Variants in COPG1 observed in about 807,000 individuals in gnomAD.
The protein encoded by COPG1 is coat protein complex I subunit gamma 1, also known as coatomer subunit gamma-1.
Under a neutral mutation model 102.8 loss-of-function variants are expected in COPG1, and 29 were observed. That is an observed-to-expected ratio of 0.28 (90% CI 0.21 to 0.38). The LOEUF (loss-of-function observed/expected upper bound fraction) is 0.38, where lower values mean the gene tolerates loss of function less well. Ranked by LOEUF, COPG1 falls within the 10% of genes least tolerant of loss-of-function variation. The pLI, the probability that COPG1 is intolerant of heterozygous loss-of-function variation, is 1.00. For synonymous variants in COPG1, 406 were observed against 421.6 expected, an observed-to-expected ratio of 0.96 and a Z score of 0.45; for missense variants, 875 against 1,132.7, an observed-to-expected ratio of 0.77 and a Z score of 3.27.
At chr3:129,270,988 G>A (rs1047461184) in intron 18 of COPG1, among the ~76,000 whole-genome samples, 3 of 152,150 alleles carry the variant, frequency 2.0e-5, no homozygotes, top group Admixed American at 6.6e-5. Context: ...AAGCTCTGCC[G>A]CCAACCCCTA....
At position 129,249,766 on chromosome 3, in the gene COPG1, G is replaced by C. The variant is rs1194703555; in HGVS notation, c.37+20G>C. ...AGTCAGGTGAGGGGGCCAGGCCTGG[G>C]TCTGAGGGAGGCCGGACCCCCACCC... On this transcript the variant is annotated intron_variant, in intron 1 of 23. Transcript: ENST00000314797. 1 of 1,549,604 alleles carries C rather than the reference G, an allele frequency of 6.5e-7. No individual in the cohort carries two copies. The highest frequency in any genetic ancestry group is 2.0e-5 in the Admixed American group (1 of 50,840).
intron 21 of COPG1, chr3:129,274,209 G>A (rs1287679219): frequency 1.2e-5 from 5 of 431,924 alleles, no homozygotes; most frequent in Non-Finnish European, 2.3e-5. Flanking sequence ...GAGAGAGAGA[G>A]CTGGGTCTAA....
Position 129,249,636 on chromosome 3 carries a change from C to G in COPG1, c.-74C>G. 2 of 1,523,138 alleles carry G rather than the reference C, an allele frequency of 1.3e-6. No individual in the cohort carries two copies. Among genetic ancestry groups the G allele is most frequent in the African/African-American group, 1.4e-5 (1 of 72,610 alleles). 94.4% of individuals were successfully genotyped at this position (1,523,138 alleles called of 1,614,324 possible). ...GGGCCCGGAAGTGGTCCCTGTAGAA[C>G]CACTGTGGCACCGCTACTCCGTGCC... On this transcript the variant is annotated 5_prime_UTR_variant, in exon 1 of 24. Coordinates refer to ENST00000314797, the MANE Select transcript of COPG1 (RefSeq NM_016128.4).
chr3:129,262,182 G>C (rs1939938735), intron 12 of COPG1, among the ~76,000 whole-genome samples: 1 of 151,954 alleles, frequency 6.6e-6, no homozygotes, highest in Non-Finnish European at 1.5e-5. Context: ...GGGAGGCCAA[G>C]GAGGGAGGAT....
At chr3:129,272,060 T>G in intron 19 of COPG1, 151 bp downstream of exon 19, 1 of 1,047,662 alleles carries the variant, frequency 9.5e-7, no homozygotes, top group Non-Finnish European at 1.4e-6. Context: ...CGGTCTCTCA[T>G]ATCTCTTGAC....
At chr3:129,263,571 G>A (rs969462176) in intron 12 of COPG1, among the ~76,000 whole-genome samples, 2 of 152,186 alleles carry the variant, frequency 1.3e-5, no homozygotes, top group African/African-American at 4.8e-5. Flanking sequence ...ATGATGGGTG[G>A]GAACCATCAG....
intron 21 of COPG1, chr3:129,274,175 C>T: frequency 2.3e-6 from 1 of 433,364 alleles, no homozygotes; most frequent in South Asian, 1.7e-5. Flanking sequence ...TTGAGCCCAT[C>T]CAGAGATGAA....
rs1279013934 is a variant in COPG1 at position 129,275,641 on chromosome 3, A to G, written c.2494+349A>G. Among the ~76,000 whole-genome samples the G allele has an allele frequency of 6.6e-6, 1 of 152,100 alleles. No individual in the cohort carries two copies. The highest frequency in any genetic ancestry group is 1.9e-4 in the East Asian group (1 of 5,202). On this transcript the variant is annotated intron_variant, in intron 23 of 23. Coordinates refer to ENST00000314797, the MANE Select transcript of COPG1 (RefSeq NM_016128.4). The surrounding 1 kb of genome is among the most constrained non-coding windows in gnomAD (Gnocchi z 5.0). ...TCCTCCGATTTGCTTTTCACTTTAC[A>G]TTGCATCTTAGAGATCTTCCCCGTC...
At position 129,252,150 on chromosome 3, in the gene COPG1, A is replaced by G. The variant is rs78957916; in HGVS notation, c.91-131A>G. 3,515 of 647,000 alleles carry G rather than the reference A, an allele frequency of 5.4e-3. 91 individuals are homozygous for G. In the African/African-American group the frequency reaches 0.056, roughly 10 times the overall value. 40.1% of individuals were successfully genotyped at this position (647,000 alleles called of 1,614,324 possible). On this transcript the variant is annotated intron_variant, in intron 2 of 23. Transcript: ENST00000314797. ...AAAAACAAACCCTTTCCTTATGAAA[A>G]TAAGCTTGTTGCATACCCAGAAAGC...
At chr3:129,265,460 G>C in intron 13 of COPG1, 89 bp from the exon 14 acceptor site, 1 of 1,508,944 alleles carries the variant, frequency 6.6e-7, no homozygotes, top group Non-Finnish European at 8.9e-7. Context: ...CAAGTTCTGT[G>C]TTTGGACAAC....
intron 20 of COPG1, 75 bp downstream of exon 20, chr3:129,272,490 C>T: frequency 8.0e-7 from 1 of 1,243,564 alleles, no homozygotes. Flanking sequence ...GGCTGGGCAC[C>T]AGCTGTTTGC....
intron 15 of COPG1, 125 bp from the exon 16 acceptor site, chr3:129,267,812 T>C: frequency 1.5e-6 from 1 of 686,904 alleles, no homozygotes; most frequent in East Asian, 2.7e-5. Context: ...CCCTCCACCC[T>C]CCGCCTGGGG....
chr3:129,267,814 C>T (rs545639719), intron 15 of COPG1, 123 bp from the exon 16 acceptor site: 72 of 694,462 alleles, frequency 1.0e-4, no homozygotes, highest in Non-Finnish European at 1.6e-4. Flanking sequence ...CTCCACCCTC[C>T]GCCTGGGGCC....
intron 21 of COPG1, 131 bp from the exon 22 acceptor site, chr3:129,274,707 A>G (rs1940234499): frequency 9.8e-7 from 1 of 1,016,844 alleles, no homozygotes; most frequent in Non-Finnish European, 1.4e-6. Flanking sequence ...ATGTCCCCAG[A>G]GTCTAGCACA....
At position 129,252,967 on chromosome 3, in the gene COPG1, G is replaced by A; in HGVS notation, c.323+12G>A. ...ATTGTCACCAGCAGGCAAGTCATGG[G>A]GTTGTGGGTGGCTCTTCTGATGGGT... On this transcript the variant is annotated intron_variant, in intron 5 of 23. Transcript: ENST00000314797. 1.2e-6 allele frequency: 2 copies of A among 1,612,174 alleles called. No homozygotes were observed. Among genetic ancestry groups the A allele is most frequent in the Non-Finnish European group, 1.7e-6 (2 of 1,178,236 alleles).
At chr3:129,268,644 G>A in intron 17 of COPG1, 24 bp downstream of exon 17, 1 of 1,611,542 alleles carries the variant, frequency 6.2e-7, no homozygotes, top group Non-Finnish European at 8.5e-7. Flanking sequence ...TCCTCCCAGA[G>A]GCCATCAAGG....
At chr3:129,251,450 C>T (rs573821949) in intron 2 of COPG1, among the ~76,000 whole-genome samples, 1 of 151,090 alleles carries the variant, frequency 6.6e-6, no homozygotes, top group Non-Finnish European at 1.5e-5. Context: ...GGCACGATCT[C>T]GGCTCAACTG....
Position 129,260,647 on chromosome 3 carries a change from C to A in COPG1, c.968C>A (p.Thr323Lys). ...GCCATGAAGCATCCGTCAGCTGTGA[C>A]AGCTTGTAATCTGGATCTGGAGAAC... Reference protein sequence around the residue: ...KVAMKHPSAVTACNLDLENLV... With the variant: ...KVAMKHPSAVKACNLDLENLV... Residue 323 changes from threonine to lysine, a missense_variant, in exon 12 of 24, where the codon ACA (threonine) becomes AAA (lysine). Physicochemically the swap from Thr to Lys is moderately conservative, Grantham distance 78 (BLOSUM62 -1). Transcript: ENST00000314797. 1 of 1,614,180 alleles carries A rather than the reference C, an allele frequency of 6.2e-7. No individual in the cohort carries two copies. The highest frequency in any genetic ancestry group is 8.5e-7 in the Non-Finnish European group (1 of 1,180,044).
Position 129,252,652 on chromosome 3 carries a change from C to T in COPG1, c.201C>T (p.Thr67=), listed in dbSNP as rs1309891589. ...AGCACCTGGGGACCACGGAAGCGAC[C>T]GAGGCCTTCTTTGCCATGACCAAGC... is the stretch of plus-strand genomic sequence containing the variant. ...QGEHLGTTEA[T]EAFFAMTKLF... The change falls in exon 4 of 24, where the codon ACC becomes ACT. Residue 67 remains threonine (T), a synonymous_variant. Transcript: ENST00000314797. The T allele has an allele frequency of 4.3e-6, 7 of 1,613,980 alleles. No homozygotes were observed. The highest frequency in any genetic ancestry group is 4.5e-5 in the East Asian group (2 of 44,898).
Sources: allele counts gnomAD v4.1 joint callset (sites outside exome capture counted in the v4.1 genomes callset), GRCh38; gene constraint gnomAD v4.1.1; non-coding constraint Gnocchi (gnomAD v3.1); transcripts MANE v1.5; gene names NCBI Gene and HGNC (gene_info 2026-07-23, HGNC 2026-07-21).